DRG1: variants seen among roughly 807,000 people sequenced by gnomAD.
DRG1 encodes developmentally regulated GTP binding protein 1.
DRG1 carries 19 observed loss-of-function variants against 38.8 expected under a neutral mutation model. The ratio of observed to expected loss-of-function variants is 0.49; its 90% confidence interval spans 0.34 to 0.72. The LOEUF is 0.72. DRG1 is among the 30% of genes least tolerant of loss of function. The pLI is 0.01. For synonymous variants in DRG1, 167 were observed against 157.5 expected (o/e 1.06, Z -0.45); for missense variants, 299 against 444.8 (o/e 0.67, Z 2.95).
intron 8 of DRG1, among the ~76,000 whole-genome samples, chr22:31,431,584 C>A (rs2050139806): frequency 6.6e-6 from 1 of 152,054 alleles, no homozygotes; most frequent in Non-Finnish European, 1.5e-5. Flanking sequence ...ATTGCTTGAG[C>A]CCAGGAGGTT....
At chr22:31,409,462 G>T (rs2050006988) in intron 3 of DRG1, among the ~76,000 whole-genome samples, 1 of 152,134 alleles carries the variant, frequency 6.6e-6, no homozygotes. Flanking sequence ...ATCCCTATCT[G>T]TTGGCCCTTC....
intron 6 of DRG1, among the ~76,000 whole-genome samples, chr22:31,424,811 C>CCTCT (rs71202078): frequency 2.7e-5 from 1 of 36,664 alleles, no homozygotes; most frequent in East Asian, 5.0e-4. Context: ...CCCCCCCCCC[C>CCTCT]TTTTTTTTTT....
intron 4 of DRG1, 40 bp downstream of exon 4, chr22:31,411,121 C>T (rs754481708): frequency 3.7e-6 from 6 of 1,600,882 alleles, no homozygotes; most frequent in South Asian, 1.1e-5. Context: ...ATATCATTCC[C>T]TTCTCTGGTA....
At chr22:31,400,211 C>A (rs1285072607) in intron 1 of DRG1, among the ~76,000 whole-genome samples, 1 of 151,854 alleles carries the variant, frequency 6.6e-6, no homozygotes, top group Non-Finnish European at 1.5e-5. Flanking sequence ...TCCCGGTAAT[C>A]GGATCTGGAA....
At chr22:31,423,883 A>ATTTT (rs1384045296) in intron 6 of DRG1, among the ~76,000 whole-genome samples, 95 of 77,480 alleles carry the variant, frequency 1.2e-3, no homozygotes, top group African/African-American at 4.9e-3. Flanking sequence ...TTTTTTTTTG[A>ATTTT]GATAGAGTTT....
rs2049948734 is a variant in DRG1 at position 31,399,613 on chromosome 22, T to TGGTGGC, written c.-64_-59dup. On this transcript the variant is annotated 5_prime_UTR_variant, in exon 1 of 9. Transcript: ENST00000331457. The stretch of plus-strand genomic sequence containing the variant: ...CGCGCCTGCGTGCTGCAGTAGCGCC[T>TGGTGGC]GGTGGCGGTGGCAGTTTGCCCGCGG... The TGGTGGC allele has an allele frequency of 6.2e-7, 1 of 1,605,370 alleles. No individual in the cohort carries two copies. Among genetic ancestry groups the TGGTGGC allele is most frequent in the South Asian group, 1.1e-5 (1 of 90,946 alleles).
At chr22:31,425,827 A>G (rs1228767844) in intron 6 of DRG1, among the ~76,000 whole-genome samples, 2 of 152,184 alleles carry the variant, frequency 1.3e-5, no homozygotes, top group East Asian at 3.8e-4. Context: ...TTGCTCTCCT[A>G]GTCATTTGTT....
intron 5 of DRG1, among the ~76,000 whole-genome samples, chr22:31,420,693 T>C (rs1313283573): frequency 6.6e-6 from 1 of 152,222 alleles, no homozygotes; most frequent in Non-Finnish European, 1.5e-5. Context: ...TTGCATAAAG[T>C]AGATGGCCGC....
Position 31,423,417 on chromosome 22 carries a change from A to T in DRG1, c.713+7A>T. 6.2e-7 allele frequency: 1 copy of T among 1,613,364 alleles called. No homozygotes were observed. The highest frequency in any genetic ancestry group is 8.5e-7 in the Non-Finnish European group (1 of 1,179,660). On this transcript the variant is annotated splice_region_variant and intron_variant, in intron 6 of 8. Coordinates refer to ENST00000331457, the MANE Select transcript of DRG1 (RefSeq NM_004147.4). ...ATGTGGTGGAAGGAAACAGGTACTG[A>T]CTGAGTGTGCAGTCTGTGCCTGACT...
chr22:31,420,325 T>C lies in DRG1; in HGVS notation c.482T>C (p.Ile161Thr), dbSNP rs763724899. ...AAACCTTTGGGACATAAGAAGATAA[T>C]TGAAAATGAGCTGGAAGGCTTTGGC... ...VLKPLGHKKIIENELEGFGIR... is the reference protein window; with the variant it reads ...VLKPLGHKKITENELEGFGIR... The change falls in exon 5 of 9, where the codon ATT (isoleucine) becomes ACT (threonine). Residue 161 changes from isoleucine to threonine, a missense_variant. By Grantham distance (89) the Ile-to-Thr change is moderately conservative. This residue lies in a region of DRG1 where 198 missense variants were observed against 268.1 expected (regional missense o/e 0.74). Coordinates refer to ENST00000331457, the MANE Select transcript of DRG1 (RefSeq NM_004147.4). The C allele has an allele frequency of 9.9e-6, 16 of 1,614,038 alleles. No individual in the cohort carries two copies. The highest frequency in any genetic ancestry group is 8.0e-5 in the African/African-American group (6 of 74,920).
chr22:31,427,047 C>G lies in DRG1; in HGVS notation c.882-13C>G, dbSNP rs1459750802. Reference sequence around the variant, plus strand: ...CTAAGAAGGCAGTAATCTTTATGCCCTCTCTATTCTAGTTACACCAAACCC... The same window carrying G: ...CTAAGAAGGCAGTAATCTTTATGCCGTCTCTATTCTAGTTACACCAAACCC... On this transcript the variant is annotated splice_polypyrimidine_tract_variant and intron_variant, in intron 7 of 8. Coordinates refer to ENST00000331457, the MANE Select transcript of DRG1 (RefSeq NM_004147.4). 3.1e-6 allele frequency: 5 copies of G among 1,613,384 alleles called. No individual in the cohort carries two copies. The highest frequency in any genetic ancestry group is 4.2e-6 in the Non-Finnish European group (5 of 1,179,682).
intron 4 of DRG1, among the ~76,000 whole-genome samples, chr22:31,417,496 A>C (rs2050051473): frequency 6.6e-6 from 1 of 151,796 alleles, no homozygotes; most frequent in African/African-American, 2.4e-5. Flanking sequence ...TCTGGCTATC[A>C]TGGTGAAACC....
In DRG1 at chr22:31,410,990, T is replaced by A. The variant is rs565914906; in HGVS notation, c.343-22T>A. ...TAACCAGTTTTTTCTTTCATCCTCT[T>A]CCCCCATTCTTAATCTTGCAGCTCC... On this transcript the variant is annotated intron_variant, in intron 3 of 8. Coordinates refer to ENST00000331457, the MANE Select transcript of DRG1 (RefSeq NM_004147.4). The A allele has an allele frequency of 3.1e-6, 5 of 1,612,732 alleles. No homozygotes were observed. The South Asian group carries it at 5.5e-5, about 18-fold the overall frequency.
intron 2 of DRG1, 103 bp from the exon 3 acceptor site, chr22:31,402,926 A>G: frequency 7.8e-7 from 1 of 1,286,922 alleles, no homozygotes; most frequent in Admixed American, 2.5e-5. Context: ...AGTTTGAGAA[A>G]TAGTGCCTAG....
chr22:31,422,055 G>A (rs1011048270), intron 5 of DRG1, among the ~76,000 whole-genome samples: 1 of 151,726 alleles, frequency 6.6e-6, no homozygotes, highest in Non-Finnish European at 1.5e-5. Flanking sequence ...AGGTTGCAGT[G>A]AGCCGAGATG....
chr22:31,418,427 C>T (rs1405127344), intron 4 of DRG1, among the ~76,000 whole-genome samples: 4 of 152,150 alleles, frequency 2.6e-5, no homozygotes, highest in Admixed American at 1.3e-4. Flanking sequence ...GACTGCACTC[C>T]AGCCTGAGTG....
intron 8 of DRG1, among the ~76,000 whole-genome samples, chr22:31,432,006 C>T (rs9609283): frequency 2.4e-4 from 36 of 149,868 alleles, no homozygotes; most frequent in South Asian, 1.7e-3. Context: ...AGAAACATAT[C>T]GAAGCAAACA....
At chr22:31,424,351 A>T (rs1261005706) in intron 6 of DRG1, among the ~76,000 whole-genome samples, 1 of 151,142 alleles carries the variant, frequency 6.6e-6, no homozygotes, top group Admixed American at 6.6e-5. Context: ...GGGTTTCATC[A>T]TGTTGGCCAG....
At chr22:31,414,798 G>C (rs1252027711) in intron 4 of DRG1, among the ~76,000 whole-genome samples, 1 of 138,772 alleles carries the variant, frequency 7.2e-6, no homozygotes, top group African/African-American at 2.8e-5. Flanking sequence ...TTTTTTTTTA[G>C]AGATAGGATC....
Sources: gnomAD v4.1 joint callset for allele counts (sites outside exome capture counted in the v4.1 genomes callset) on GRCh38, gnomAD v4.1.1 for gene constraint, gnomAD v4.1.1 regional missense constraint, MANE v1.5 for transcripts, NCBI Gene and HGNC (gene_info 2026-07-23, HGNC 2026-07-21) for gene names.